Variants in PLD5 observed in about 807,000 individuals in gnomAD.
The protein encoded by PLD5 is inactive phospholipase D5.
Under a neutral mutation model 61.1 loss-of-function variants are expected in PLD5, and 36 were observed. The observed-to-expected ratio is 0.59, with a 90% CI of 0.45 to 0.78. PLD5 has a LOEUF of 0.78. Among genes scored for constraint, PLD5 ranks in the 30% least tolerant of loss-of-function variants. PLD5 has a pLI of 0.00. For missense variants in PLD5, 515 were observed against 644.4 expected, an observed-to-expected ratio of 0.80 and a Z score of 2.17; for synonymous variants, 243 against 242.8, an observed-to-expected ratio of 1.00 and a Z score of -0.01.
chr1:242,285,462 C>T (rs1051700189), intron 3 of PLD5, among the ~76,000 whole-genome samples: 1 of 152,184 alleles, frequency 6.6e-6, no homozygotes, highest in African/African-American at 2.4e-5. Context: ...CACACCACCA[C>T]ACTTTAGCCT....
rs1002064637 is a variant in PLD5, at chr1:242,084,038, C to T, written c.*5816G>A. 1 of 152,132 alleles carries T rather than the reference C, an allele frequency of 6.6e-6. No individual in the cohort carries two copies. Among genetic ancestry groups the T allele is most frequent in the African/African-American group, 2.4e-5 (1 of 41,422 alleles). The allele number at this position is 152,132 out of a possible 1,614,324, so 9.4% of individuals were successfully genotyped here. A position where few individuals can be genotyped will look rare whatever the true frequency, so the allele number is the denominator to read the frequency against. ...GAGCCAAAAGGAATGGGTTTGAGAG[C>T]CAGATATCCACTTCATAAAAAGAGA... is the stretch of plus-strand genomic sequence containing the variant. On this transcript the variant is annotated 3_prime_UTR_variant, in exon 10 of 10. Transcript: ENST00000536534.
intron 1 of PLD5, among the ~76,000 whole-genome samples, chr1:242,430,871 G>A (rs757501751): frequency 3.3e-5 from 5 of 152,148 alleles, no homozygotes; most frequent in Non-Finnish European, 5.9e-5. Context: ...ATGTCTGGAT[G>A]CACAAGCACC....
At chr1:242,165,241 T>C (rs1345352958) in intron 5 of PLD5, among the ~76,000 whole-genome samples, 1 of 152,118 alleles carries the variant, frequency 6.6e-6, no homozygotes, top group African/African-American at 2.4e-5. Flanking sequence ...TATGCAGCCA[T>C]ATTTCTAGAA....
intron 1 of PLD5, among the ~76,000 whole-genome samples, chr1:242,482,280 A>G (rs971310877): frequency 2.6e-5 from 4 of 152,240 alleles, no homozygotes; most frequent in African/African-American, 9.6e-5. Context: ...AGCAAGTTCG[A>G]ACCCATGGCA....
At chr1:242,110,617 C>T (rs573505591) in intron 7 of PLD5, among the ~76,000 whole-genome samples, 2 of 152,264 alleles carry the variant, frequency 1.3e-5, no homozygotes, top group African/African-American at 4.8e-5. Flanking sequence ...CGAGACCAGC[C>T]TGGCCAACAT....
At chr1:242,310,597 A>G (rs770662014) in intron 2 of PLD5, among the ~76,000 whole-genome samples, 15 of 152,250 alleles carry the variant, frequency 9.9e-5, no homozygotes, top group Admixed American at 3.9e-4. Context: ...AGGTTGGTGC[A>G]AAAGTAATCA....
chr1:242,487,025 C>T (rs1286040142), intron 1 of PLD5, among the ~76,000 whole-genome samples: 1 of 151,816 alleles, frequency 6.6e-6, no homozygotes, highest in African/African-American at 2.4e-5. Flanking sequence ...AACACATGGA[C>T]ACCGGAAGGG....
chr1:242,443,382 T>C (rs1011813362), intron 1 of PLD5, among the ~76,000 whole-genome samples: 2 of 152,142 alleles, frequency 1.3e-5, no homozygotes, highest in Admixed American at 6.6e-5. Flanking sequence ...TCTCCTTATA[T>C]CTATGTGTAA....
intron 1 of PLD5, among the ~76,000 whole-genome samples, chr1:242,390,272 TTG>T (rs1662853233): frequency 1.3e-5 from 2 of 152,064 alleles, no homozygotes; most frequent in Non-Finnish European, 2.9e-5. Flanking sequence ...GTTGGCCAGG[TTG>T]GTCTCGAAGA....
intron 4 of PLD5, among the ~76,000 whole-genome samples, chr1:242,220,629 T>G (rs1000000350): frequency 1.3e-5 from 2 of 152,070 alleles, no homozygotes; most frequent in Admixed American, 1.3e-4. Flanking sequence ...TGCTTTTACT[T>G]CTTCATTCCT....
chr1:242,107,757 A>G lies in PLD5; in HGVS notation c.1153T>C (p.Trp385Arg). Residue 385 changes from tryptophan (W) to arginine (R), a missense_variant, in exon 8 of 10, where the codon TGG becomes CGG. Physicochemically the swap from Trp to Arg is moderately radical, Grantham distance 101 (BLOSUM62 -3). Around this residue, in one of 2 missense-constraint regions of PLD5, gnomAD observed 450 missense variants for 598.1 expected, o/e 0.75. Coordinates refer to ENST00000536534, the MANE Select transcript of PLD5 (RefSeq NM_001372062.1). ...SVRVRLLLSF[W>R]KETDPLTFNF... is the part of the protein sequence containing the mutation. ...AACGTAAGGGGATCAGTTTCCTTCC[A>G]GAAGCTTAAAAGGAGTCGAACTCTA... 6.2e-7 allele frequency: 1 copy of G among 1,612,914 alleles called. No individual in the cohort carries two copies. The highest frequency in any genetic ancestry group is 8.5e-7 in the Non-Finnish European group (1 of 1,179,720).
intron 5 of PLD5, among the ~76,000 whole-genome samples, chr1:242,196,203 C>G (rs1668627920): frequency 6.6e-6 from 1 of 152,112 alleles, no homozygotes; most frequent in Admixed American, 6.5e-5. Flanking sequence ...TAAATAAAAC[C>G]TTTGAATTTT....
At chr1:242,349,021 T>G (rs1004077363) in intron 1 of PLD5, among the ~76,000 whole-genome samples, 11 of 152,158 alleles carry the variant, frequency 7.2e-5, no homozygotes, top group Admixed American at 5.9e-4. Context: ...ACCACTGCAC[T>G]CCAGCCTGGG....
At chr1:242,228,879 C>T (rs1443749163) in intron 4 of PLD5, among the ~76,000 whole-genome samples, 1 of 152,128 alleles carries the variant, frequency 6.6e-6, no homozygotes, top group Non-Finnish European at 1.5e-5. Context: ...TCTGTGAGTT[C>T]CTCTAAATCT....
At chr1:242,121,776 T>A (rs145524439) in intron 6 of PLD5, among the ~76,000 whole-genome samples, 2,435 of 152,176 alleles carry the variant, frequency 0.016, 66 homozygotes, top group African/African-American at 0.056. Context: ...AAAGGATGAG[T>A]TCACATCCTT....
In PLD5 at chr1:242,089,557, G is replaced by A. The variant is rs1327358079; in HGVS notation, c.*297C>T. ...CTGACCGGGTAGGTCAGCAGAAAAAGTTCTAAAACTAGAAAGGAGCAGGAA... is the reference window on the plus strand; with the variant it reads ...CTGACCGGGTAGGTCAGCAGAAAAAATTCTAAAACTAGAAAGGAGCAGGAA... On this transcript the variant is annotated 3_prime_UTR_variant, in exon 10 of 10. Coordinates refer to ENST00000536534, the MANE Select transcript of PLD5 (RefSeq NM_001372062.1). The A allele has an allele frequency of 1.9e-6, 1 of 522,374 alleles. No homozygotes were observed. Among genetic ancestry groups the A allele is most frequent in the Non-Finnish European group, 3.3e-6 (1 of 300,882 alleles). The allele number at this position is 522,374 out of a possible 1,614,324, so 32.4% of individuals were successfully genotyped here.
At position 242,395,095 on chromosome 1, in the gene PLD5, A is replaced by G. The variant is rs188680919; in HGVS notation, c.190-46853T>C. ...TGAATATATATGTATATATATGAAT[A>G]TATATGTATGTATATGAATATATAT... On this transcript the variant is annotated intron_variant, in intron 1 of 9. Transcript: ENST00000536534. Among the ~76,000 whole-genome samples, 49 of 145,200 alleles carry G rather than the reference A, an allele frequency of 3.4e-4. 1 individual carries two copies. In the East Asian group the frequency reaches 5.7e-3, roughly 17 times the overall value.
chr1:242,338,434 T>C (rs1265065501), intron 2 of PLD5, among the ~76,000 whole-genome samples: 4 of 151,950 alleles, frequency 2.6e-5, no homozygotes, highest in African/African-American at 9.7e-5. Flanking sequence ...TCAGATATGA[T>C]TGTGCCCATA....
chr1:242,094,565 T>C (rs537973362), intron 9 of PLD5, among the ~76,000 whole-genome samples: 4 of 152,290 alleles, frequency 2.6e-5, no homozygotes, highest in African/African-American at 7.2e-5. Context: ...GATTTTTTTT[T>C]CTTCTAGGGT....
Sources: allele counts gnomAD v4.1 joint callset (sites outside exome capture counted in the v4.1 genomes callset), GRCh38; gene constraint gnomAD v4.1.1; regional missense constraint gnomAD v4.1.1; transcripts MANE v1.5; gene names NCBI Gene and HGNC (gene_info 2026-07-23, HGNC 2026-07-21).